The following PACSIN2 variants were observed in gnomAD, a reference collection of about 807,000 sequenced individuals.
PACSIN2 encodes the protein protein kinase C and casein kinase substrate in neurons protein 2.
A neutral mutation model predicts 63.8 loss-of-function variants in PACSIN2; 25 were observed. The ratio of observed to expected loss-of-function variants is 0.39; its 90% CI spans 0.29 to 0.55. The LOEUF is 0.55. PACSIN2 is among the 20% of genes least tolerant of loss of function. PACSIN2 has a pLI of 0.62. For synonymous variants in PACSIN2, 255 were observed against 256.2 expected (o/e 1.00, Z 0.05); for missense variants, 518 against 646.9 (o/e 0.80, Z 2.16).
At chr22:42,970,692 A>G (rs569039371) in intron 1 of PACSIN2, among the ~76,000 whole-genome samples, 2 of 152,350 alleles carry the variant, frequency 1.3e-5, no homozygotes, top group Admixed American at 6.5e-5. Flanking sequence ...AAATTTAGCC[A>G]AGGAAGATGA....
At chr22:42,967,731 A>G (rs1007823518) in intron 1 of PACSIN2, among the ~76,000 whole-genome samples, 1 of 152,100 alleles carries the variant, frequency 6.6e-6, no homozygotes, top group African/African-American at 2.4e-5. Flanking sequence ...TACTAAAAAT[A>G]CAAAAAATTA....
chr22:42,933,260 C>G (rs1342656974), intron 1 of PACSIN2, among the ~76,000 whole-genome samples: 2 of 152,198 alleles, frequency 1.3e-5, no homozygotes, highest in Non-Finnish European at 2.9e-5. Context: ...CTGAACAACT[C>G]TTTAAGAAAT....
chr22:42,923,732 T>G (rs2146754554), intron 1 of PACSIN2, among the ~76,000 whole-genome samples: 1 of 152,286 alleles, frequency 6.6e-6, no homozygotes, highest in Non-Finnish European at 1.5e-5. Flanking sequence ...CGGCCTCAAC[T>G]ATTTCCTCTA....
chr22:42,924,286 C>G (rs1932391211), intron 1 of PACSIN2, among the ~76,000 whole-genome samples: 1 of 152,158 alleles, frequency 6.6e-6, no homozygotes, highest in Admixed American at 6.5e-5. Flanking sequence ...GTCTTCTTCC[C>G]TCTAACAGAG....
intron 1 of PACSIN2, among the ~76,000 whole-genome samples, chr22:43,001,323 C>T (rs937854995): frequency 6.6e-6 from 1 of 152,220 alleles, no homozygotes; most frequent in African/African-American, 2.4e-5. Context: ...CCAGAACCTT[C>T]ACCACACACA....
intron 1 of PACSIN2, among the ~76,000 whole-genome samples, chr22:42,978,181 T>C (rs1009779538): frequency 6.6e-6 from 1 of 152,148 alleles, no homozygotes; most frequent in Admixed American, 6.5e-5. Context: ...TTCAGGGGTG[T>C]GTAAGCTCAA....
chr22:42,888,907 G>A lies in PACSIN2; in HGVS notation c.454-109C>T, dbSNP rs118125261. On this transcript the variant is annotated intron_variant, in intron 4 of 10. Transcript: ENST00000263246. Reference sequence around the variant, plus strand: ...TGTGCTACCAAGAGGGGAGAAAAAGGCAGGTACAAAATTGTATGTATACTA... The same window carrying A: ...TGTGCTACCAAGAGGGGAGAAAAAGACAGGTACAAAATTGTATGTATACTA... 4.5e-6 allele frequency: 5 copies of A among 1,121,034 alleles called. No individual in the cohort carries two copies. The East Asian group carries it at 1.2e-4, about 26-fold the overall frequency. 69.4% of individuals were successfully genotyped at this position (1,121,034 alleles called of 1,614,324 possible). A position where few individuals can be genotyped will look rare whatever the true frequency, so the allele number is the denominator to read the frequency against.
chr22:42,953,674 G>T (rs1246251980), intron 1 of PACSIN2, among the ~76,000 whole-genome samples: 2 of 152,300 alleles, frequency 1.3e-5, no homozygotes, highest in African/African-American at 2.4e-5. Context: ...TCATTTTATA[G>T]CTGAAGAAAC....
intron 1 of PACSIN2, among the ~76,000 whole-genome samples, chr22:42,931,573 G>C (rs3827362): frequency 0.62 from 94,366 of 151,706 alleles, 30,344 homozygotes; most frequent in East Asian, 0.82. Context: ...AAAGCCGATG[G>C]CTGCCCTGAA....
chr22:42,983,318 A>G (rs1428123743), intron 1 of PACSIN2, among the ~76,000 whole-genome samples: 1 of 143,524 alleles, frequency 7.0e-6, no homozygotes, highest in Non-Finnish European at 1.5e-5. Flanking sequence ...CTCCATCTCA[A>G]AAAAAAAAAA....
At chr22:42,898,514 G>A (rs111253484) in intron 2 of PACSIN2, among the ~76,000 whole-genome samples, 3,384 of 152,060 alleles carry the variant, frequency 0.022, 121 homozygotes, top group African/African-American at 0.079. Flanking sequence ...CAGGTGATCT[G>A]CCCACCTCAG....
intron 1 of PACSIN2, among the ~76,000 whole-genome samples, chr22:42,983,790 G>GT (rs1922413428): frequency 6.6e-6 from 1 of 151,728 alleles, no homozygotes; most frequent in Admixed American, 6.6e-5. Flanking sequence ...ACTATGTATT[G>GT]TTTTTTAAGA....
chr22:43,014,541 C>A (rs1247250445), intron 1 of PACSIN2, among the ~76,000 whole-genome samples: 12 of 152,038 alleles, frequency 7.9e-5, no homozygotes, highest in Admixed American at 7.9e-4. Context: ...CAGCGTTGCT[C>A]CGGCACCCTC....
At chr22:42,984,747 C>A (rs980364220) in intron 1 of PACSIN2, among the ~76,000 whole-genome samples, 4 of 152,134 alleles carry the variant, frequency 2.6e-5, no homozygotes, top group Admixed American at 6.5e-5. Context: ...TTGACACTTA[C>A]AAGATTATCT....
At chr22:42,973,581 G>C (rs1187993621) in intron 1 of PACSIN2, among the ~76,000 whole-genome samples, 1 of 152,256 alleles carries the variant, frequency 6.6e-6, no homozygotes, top group Non-Finnish European at 1.5e-5. Flanking sequence ...TAGCTGCAAA[G>C]CTCGCAAGCA....
chr22:42,943,163 CTG>C (rs1569304383), intron 1 of PACSIN2, among the ~76,000 whole-genome samples: 2 of 152,104 alleles, frequency 1.3e-5, no homozygotes, highest in East Asian at 1.9e-4. Flanking sequence ...ATAAATGAAA[CTG>C]TTTTCTTAAT....
chr22:43,013,644 A>G (rs1215310603), intron 1 of PACSIN2, among the ~76,000 whole-genome samples: 4 of 152,210 alleles, frequency 2.6e-5, no homozygotes, highest in Non-Finnish European at 5.9e-5. Flanking sequence ...TGGCAATCCC[A>G]GGAGGGTTAA....
At chr22:42,971,081 A>G (rs986961202) in intron 1 of PACSIN2, among the ~76,000 whole-genome samples, 2 of 152,208 alleles carry the variant, frequency 1.3e-5, no homozygotes, top group African/African-American at 4.8e-5. Context: ...ACAAACCACC[A>G]TGATAAAAAT....
intron 2 of PACSIN2, among the ~76,000 whole-genome samples, chr22:42,906,032 G>A (rs1931052562): frequency 6.6e-6 from 1 of 152,278 alleles, no homozygotes; most frequent in South Asian, 2.1e-4. Flanking sequence ...AGCAACACCT[G>A]CCAAGCTAGG....
Sources: allele counts gnomAD v4.1 joint callset (sites outside exome capture counted in the v4.1 genomes callset), GRCh38; gene constraint gnomAD v4.1.1; transcripts MANE v1.5; gene names NCBI Gene and HGNC (gene_info 2026-07-23, HGNC 2026-07-21).